KCNH7: variants seen among roughly 807,000 people sequenced by gnomAD.
KCNH7 encodes voltage-gated inwardly rectifying potassium channel KCNH7.
In KCNH7, 49 loss-of-function variants were observed where a neutral mutation model predicts 120.8. That is an observed-to-expected ratio of 0.41 (90% confidence interval 0.32 to 0.51). The LOEUF is 0.51. KCNH7 is among the 20% of genes least tolerant of loss of function. The pLI is 0.38. For synonymous variants in KCNH7, 547 were observed against 516.1 expected (o/e 1.06, Z -0.81); for missense variants, 1,097 against 1,446.6 (o/e 0.76, Z 3.92).
Position 162,791,078 on chromosome 2 carries a change from C to G in KCNH7, c.307+45459G>C, listed in dbSNP as rs569179796. Among the ~76,000 whole-genome samples the G allele has an allele frequency of 3.3e-5, 5 of 152,224 alleles. No individual in the cohort carries two copies. In the South Asian group the frequency reaches 1.0e-3, roughly 31 times the overall value. ...TCTTATATAAAGAACACCCTAAAGA[C>G]TATACCAACAAATCTGTTAAAACCT... On this transcript the variant is annotated intron_variant, in intron 2 of 15. Transcript: ENST00000332142.
rs181673441 is a variant in KCNH7, at chr2:162,550,327, C to T, written c.308-13247G>A. On this transcript the variant is annotated intron_variant, in intron 2 of 15. Transcript: ENST00000332142. The stretch of plus-strand genomic sequence containing the variant: ...TTCACTGTCTATCCTTCTCTTCCTC[C>T]TCAGAATAGAGAGAAGGTGCTACAC... Among the ~76,000 whole-genome samples, 293 of 152,250 alleles carry T rather than the reference C, an allele frequency of 1.9e-3. 1 individual carries two copies. The highest frequency in any genetic ancestry group is 2.6e-3 in the Non-Finnish European group (180 of 68,016).
At chr2:162,436,243 A>T (rs1688233168) in intron 7 of KCNH7, among the ~76,000 whole-genome samples, 1 of 152,112 alleles carries the variant, frequency 6.6e-6, no homozygotes, top group South Asian at 2.1e-4. Flanking sequence ...AACCATCTGT[A>T]TAATGAGAAG....
At chr2:162,479,840 T>G (rs1179599828) in intron 6 of KCNH7, among the ~76,000 whole-genome samples, 3 of 152,158 alleles carry the variant, frequency 2.0e-5, no homozygotes, top group Admixed American at 2.0e-4. Context: ...TTTTAGTTCA[T>G]TAATCCCTGC....
chr2:162,664,444 C>G (rs1175177570), intron 2 of KCNH7, among the ~76,000 whole-genome samples: 4 of 152,096 alleles, frequency 2.6e-5, no homozygotes, highest in African/African-American at 9.7e-5. Flanking sequence ...AACTCACAAG[C>G]CTCATTTAAC....
At chr2:162,498,395 C>T (rs1423863443) in intron 6 of KCNH7, among the ~76,000 whole-genome samples, 3 of 148,388 alleles carry the variant, frequency 2.0e-5, no homozygotes, top group Admixed American at 6.8e-5. Flanking sequence ...TGTAGTGTTT[C>T]TCCAAGTAAT....
At chr2:162,470,633 C>A (rs551561964) in intron 6 of KCNH7, among the ~76,000 whole-genome samples, 1 of 150,516 alleles carries the variant, frequency 6.6e-6, no homozygotes, top group South Asian at 2.1e-4. Flanking sequence ...GGGGGGTCAG[C>A]CCCCCGCCCG....
intron 2 of KCNH7, among the ~76,000 whole-genome samples, chr2:162,686,885 G>C (rs1015103383): frequency 1.3e-5 from 2 of 152,034 alleles, no homozygotes; most frequent in Non-Finnish European, 2.9e-5. Context: ...ACAATTTTCT[G>C]TTCGTCTGAA....
chr2:162,650,103 G>A (rs1391820188), intron 2 of KCNH7, among the ~76,000 whole-genome samples: 1 of 152,110 alleles, frequency 6.6e-6, no homozygotes, highest in Non-Finnish European at 1.5e-5. Flanking sequence ...GTTTGATTGT[G>A]GGCTGGCAGC....
intron 2 of KCNH7, among the ~76,000 whole-genome samples, chr2:162,771,053 C>T (rs1398482363): frequency 6.6e-6 from 1 of 152,114 alleles, no homozygotes; most frequent in Non-Finnish European, 1.5e-5. Flanking sequence ...CTCTCATTTT[C>T]ATTCTCATTC....
chr2:162,731,723 G>C (rs138869673), intron 2 of KCNH7, among the ~76,000 whole-genome samples: 86 of 152,090 alleles, frequency 5.7e-4, no homozygotes, highest in Non-Finnish European at 1.1e-3. Flanking sequence ...TAAATTTAGG[G>C]TTGCAGATAC....
chr2:162,817,210 C>T (rs2105582740), intron 2 of KCNH7, among the ~76,000 whole-genome samples: 1 of 152,264 alleles, frequency 6.6e-6, no homozygotes, highest in African/African-American at 2.4e-5. Context: ...TGTGTGTTCT[C>T]TTCTAGTCAA....
intron 2 of KCNH7, among the ~76,000 whole-genome samples, chr2:162,694,761 T>C (rs1351164812): frequency 2.0e-5 from 3 of 152,066 alleles, no homozygotes; most frequent in Non-Finnish European, 2.9e-5. Flanking sequence ...TTTTTTTTTT[T>C]TAGACGGAGT....
intron 9 of KCNH7, among the ~76,000 whole-genome samples, chr2:162,402,332 T>C (rs1687089982): frequency 6.7e-6 from 1 of 148,928 alleles, no homozygotes; most frequent in Non-Finnish European, 1.5e-5. Context: ...TGGCAAGTGA[T>C]GCCAAACTGG....
At chr2:162,720,887 A>G (rs1318690328) in intron 2 of KCNH7, among the ~76,000 whole-genome samples, 1 of 151,686 alleles carries the variant, frequency 6.6e-6, no homozygotes, top group East Asian at 2.0e-4. Flanking sequence ...GCTAATCACA[A>G]CATAACCACT....
intron 12 of KCNH7, among the ~76,000 whole-genome samples, chr2:162,392,832 C>G (rs973889557): frequency 6.6e-6 from 1 of 151,612 alleles, no homozygotes; most frequent in African/African-American, 2.4e-5. Flanking sequence ...GGATTTAGGG[C>G]ACAGGATGTC....
intron 2 of KCNH7, among the ~76,000 whole-genome samples, chr2:162,824,708 T>C (rs1360572296): frequency 6.6e-6 from 1 of 152,154 alleles, no homozygotes; most frequent in Non-Finnish European, 1.5e-5. Context: ...ATATGTAATT[T>C]TGAGCATTTG....
chr2:162,630,521 C>T (rs559192822), intron 2 of KCNH7, among the ~76,000 whole-genome samples: 1 of 152,046 alleles, frequency 6.6e-6, no homozygotes, highest in East Asian at 1.9e-4. Flanking sequence ...AATGTAATGT[C>T]ATTACAGCTA....
chr2:162,379,586 GT>G (rs1204995151), intron 14 of KCNH7, among the ~76,000 whole-genome samples: 1 of 152,098 alleles, frequency 6.6e-6, no homozygotes, highest in African/African-American at 2.4e-5. Flanking sequence ...AGAGAAGGGG[GT>G]TTTCTAAGAT....
intron 2 of KCNH7, among the ~76,000 whole-genome samples, chr2:162,630,964 G>A (rs1683745878): frequency 6.6e-6 from 1 of 151,956 alleles, no homozygotes; most frequent in Non-Finnish European, 1.5e-5. Flanking sequence ...GTGGTTCTGA[G>A]GTTCCCTATC....
Sources: gnomAD v4.1 joint callset for allele counts (sites outside exome capture counted in the v4.1 genomes callset) on GRCh38, gnomAD v4.1.1 for gene constraint, MANE v1.5 for transcripts, NCBI Gene and HGNC (gene_info 2026-07-23, HGNC 2026-07-21) for gene names.